Variants in MYO1E observed in about 807,000 individuals in gnomAD.
MYO1E encodes the protein myosin IE.
Under a neutral mutation model 151.1 loss-of-function variants are expected in MYO1E, and 68 were observed. The ratio of observed to expected loss-of-function variants is 0.45; its 90% CI spans 0.37 to 0.55. MYO1E has a LOEUF of 0.55. MYO1E is among the 20% of genes least tolerant of loss of function. The pLI is 0.00. For synonymous variants in MYO1E, 601 were observed against 501.7 expected, an observed-to-expected ratio of 1.20 and a Z score of -2.64; for missense variants, 1,363 against 1,389.3, an observed-to-expected ratio of 0.98 and a Z score of 0.30.
At position 59,152,690 on chromosome 15, in the gene MYO1E, C is replaced by G. The variant is rs16941078; in HGVS notation, c.3080+900G>C. On this transcript the variant is annotated intron_variant, in intron 26 of 27. Coordinates refer to ENST00000288235, the MANE Select transcript of MYO1E (RefSeq NM_004998.4). ...AACAAGTTTGCTGCAAGTTTGATGG[C>G]ATTACATTAGTGCTTAGACAAGGAA... 5.1e-3 allele frequency among the ~76,000 whole-genome samples: 771 copies of G among 152,266 alleles called. 4 individuals carry two copies. Among genetic ancestry groups the G allele is most frequent in the African/African-American group, 0.018 (734 of 41,550 alleles).
intron 1 of MYO1E, among the ~76,000 whole-genome samples, chr15:59,275,010 C>G (rs186650200): frequency 9.4e-4 from 143 of 152,306 alleles, no homozygotes; most frequent in Non-Finnish European, 1.2e-3. Context: ...GGGTGTTCTA[C>G]TTACTACTGC....
intron 25 of MYO1E, among the ~76,000 whole-genome samples, chr15:59,156,027 G>A (rs1159275739): frequency 1.3e-5 from 2 of 152,068 alleles, no homozygotes; most frequent in African/African-American, 4.8e-5. Flanking sequence ...ATGCCACCAC[G>A]CCCAGCTAAT....
chr15:59,280,468 T>C (rs529114687), intron 1 of MYO1E, among the ~76,000 whole-genome samples: 8 of 151,810 alleles, frequency 5.3e-5, no homozygotes, highest in African/African-American at 1.7e-4. Flanking sequence ...CTGCTAAAAA[T>C]ACAAAATTAG....
chr15:59,137,117 A>C lies in MYO1E; in HGVS notation c.*263T>G. On this transcript the variant is annotated 3_prime_UTR_variant, in exon 28 of 28. Transcript: ENST00000288235. ...TCACTTGTCCTCTCACCAGGTTTAA[A>C]TACAATAAATAAATCTTAATGCATG... 1 of 511,070 alleles carries C rather than the reference A, an allele frequency of 2.0e-6. No individual in the cohort carries two copies. The highest frequency in any genetic ancestry group is 3.6e-6 in the Non-Finnish European group (1 of 280,322). 31.7% of individuals were successfully genotyped at this position (511,070 alleles called of 1,614,324 possible).
At chr15:59,269,612 C>CTT (rs2080277610) in intron 2 of MYO1E, among the ~76,000 whole-genome samples, 1 of 152,164 alleles carries the variant, frequency 6.6e-6, no homozygotes, top group Non-Finnish European at 1.5e-5. Flanking sequence ...AATCCCAGCA[C>CTT]TTTGGGAGGC....
In MYO1E at chr15:59,206,890, G is replaced by C. The variant is rs367595111; in HGVS notation, c.1531-1405C>G. 17 of 1,558,280 alleles carry C rather than the reference G, an allele frequency of 1.1e-5. No homozygotes were observed. In the Admixed American group the frequency reaches 1.7e-4, roughly 15 times the overall value. ...CGGCTCTCTTGGCGTCTCAACGTTC[G>C]GATCAGCAGCTTTTTTCCATTCTCT... On this transcript the variant is annotated intron_variant, in intron 14 of 27. Coordinates refer to ENST00000288235, the MANE Select transcript of MYO1E (RefSeq NM_004998.4).
rs551153047 is a variant in MYO1E, at chr15:59,275,933, C to G, written c.4-3484G>C. 2.6e-5 allele frequency among the ~76,000 whole-genome samples: 4 copies of G among 152,310 alleles called. No homozygotes were observed. The South Asian group carries it at 6.2e-4, about 24-fold the overall frequency. ...CTAGTGTGACTTGTCCAGAGGCACA[C>G]AGCCTCTGCACACAGCCGCTGAATG... On this transcript the variant is annotated intron_variant, in intron 1 of 27. Transcript: ENST00000288235.
intron 1 of MYO1E, among the ~76,000 whole-genome samples, chr15:59,304,745 G>A (rs1004226406): frequency 1.4e-4 from 22 of 152,254 alleles, no homozygotes; most frequent in African/African-American, 3.9e-4. Context: ...CAGATCAAGC[G>A]GGACCTAAGA....
At chr15:59,325,062 A>G (rs1373008756) in intron 1 of MYO1E, among the ~76,000 whole-genome samples, 1 of 151,626 alleles carries the variant, frequency 6.6e-6, no homozygotes. Context: ...CTGGGACAGA[A>G]TCTCGCTCTA....
chr15:59,277,564 A>AAAAAAAAAAAAAAAAAAAAAAAAAAAC (rs1555416379), intron 1 of MYO1E, among the ~76,000 whole-genome samples: 5 of 139,794 alleles, frequency 3.6e-5, no homozygotes, highest in African/African-American at 1.1e-4. Flanking sequence ...AAAAAAAAAA[A>AAAAAAAAAAAAAAAAAAAAAAAAAAAC]AAAAAAAAAC....
chr15:59,216,590 G>GTATC (rs1309666735), intron 10 of MYO1E, among the ~76,000 whole-genome samples: 42 of 61,252 alleles, frequency 6.9e-4, no homozygotes, highest in African/African-American at 1.6e-3. Flanking sequence ...GTGTGTGTGT[G>GTATC]TGTGTATCTA....
intron 1 of MYO1E, among the ~76,000 whole-genome samples, chr15:59,332,773 C>T (rs529988634): frequency 6.6e-6 from 1 of 152,058 alleles, no homozygotes; most frequent in Non-Finnish European, 1.5e-5. Flanking sequence ...CCAGGCTGGT[C>T]TCAAAGCCCT....
intron 26 of MYO1E, among the ~76,000 whole-genome samples, chr15:59,142,264 C>T (rs1329599527): frequency 6.6e-6 from 1 of 152,196 alleles, no homozygotes; most frequent in Non-Finnish European, 1.5e-5. Context: ...GCTAATTTGT[C>T]CTGTCTTGTT....
At chr15:59,196,577 C>A (rs1259604818) in intron 16 of MYO1E, among the ~76,000 whole-genome samples, 3 of 152,184 alleles carry the variant, frequency 2.0e-5, no homozygotes, top group Non-Finnish European at 4.4e-5. Flanking sequence ...AAGACACAAC[C>A]CTGTCTCAAT....
chr15:59,287,553 C>A (rs2080394355), intron 1 of MYO1E, among the ~76,000 whole-genome samples: 1 of 152,164 alleles, frequency 6.6e-6, no homozygotes, highest in South Asian at 2.1e-4. Flanking sequence ...CAGCTTAGAT[C>A]TTTATTAAAG....
At chr15:59,292,633 G>C (rs1217201042) in intron 1 of MYO1E, among the ~76,000 whole-genome samples, 1 of 152,190 alleles carries the variant, frequency 6.6e-6, no homozygotes, top group African/African-American at 2.4e-5. Context: ...CATTGTAAGG[G>C]CTATGCTTTC....
At chr15:59,264,042 G>C (rs1224174927) in intron 2 of MYO1E, among the ~76,000 whole-genome samples, 1 of 152,126 alleles carries the variant, frequency 6.6e-6, no homozygotes, top group Non-Finnish European at 1.5e-5. Context: ...ACTTCAGGTT[G>C]ACTGTCCCTT....
intron 4 of MYO1E, among the ~76,000 whole-genome samples, chr15:59,253,878 G>C (rs1431996427): frequency 6.9e-6 from 1 of 144,246 alleles, no homozygotes; most frequent in Non-Finnish European, 1.6e-5. Flanking sequence ...AGACTGTATA[G>C]TAAGATCTAC....
At chr15:59,257,152 T>C (rs1277379690) in intron 3 of MYO1E, among the ~76,000 whole-genome samples, 1 of 152,246 alleles carries the variant, frequency 6.6e-6, no homozygotes, top group Non-Finnish European at 1.5e-5. Context: ...CACCTACCTT[T>C]ACCACAACCT....
Sources: gnomAD v4.1 joint callset for allele counts (sites outside exome capture counted in the v4.1 genomes callset) on GRCh38, gnomAD v4.1.1 for gene constraint, MANE v1.5 for transcripts, NCBI Gene and HGNC (gene_info 2026-07-23, HGNC 2026-07-21) for gene names.